The following CTBP2 variants were observed in gnomAD, a reference collection of about 807,000 sequenced individuals.
CTBP2 encodes C-terminal-binding protein 2.
Under a neutral mutation model 80.3 loss-of-function variants are expected in CTBP2, and 30 were observed. That is an observed-to-expected ratio of 0.37 (90% CI 0.28 to 0.51). CTBP2 has a LOEUF of 0.51. CTBP2 is among the 20% of genes least tolerant of loss of function. CTBP2 has a pLI of 0.93. For missense variants in CTBP2, 1,212 were observed against 1,375.3 expected, an observed-to-expected ratio of 0.88 and a Z score of 1.88; for synonymous variants, 594 against 587.4, an observed-to-expected ratio of 1.01 and a Z score of -0.16.
chr10:125,071,956 TCAAGA>T (rs1845554881), intron 2 of CTBP2, among the ~76,000 whole-genome samples: 1 of 151,922 alleles, frequency 6.6e-6, no homozygotes, highest in Admixed American at 6.6e-5. Context: ...AGACAAGAGG[TCAAGA>T]CAGGCACTTC....
chr10:125,100,375 A>C (rs1178837009), intron 2 of CTBP2, among the ~76,000 whole-genome samples: 1 of 152,200 alleles, frequency 6.6e-6, no homozygotes, highest in Non-Finnish European at 1.5e-5. Context: ...TGGTAAGGGA[A>C]GTTCTACCAT....
chr10:125,081,560 T>C (rs920839702), intron 2 of CTBP2, among the ~76,000 whole-genome samples: 40 of 152,034 alleles, frequency 2.6e-4, no homozygotes, highest in African/African-American at 9.4e-4. Flanking sequence ...CACAAGCAAA[T>C]GTGGTAAAAT....
intron 2 of CTBP2, among the ~76,000 whole-genome samples, chr10:125,075,804 T>G (rs1846190780): frequency 6.6e-6 from 1 of 152,222 alleles, no homozygotes; most frequent in Non-Finnish European, 1.5e-5. Context: ...GCCAAAGCTG[T>G]GGAACACAAC....
intron 1 of CTBP2, among the ~76,000 whole-genome samples, chr10:125,155,771 G>A (rs1161465653): frequency 6.6e-6 from 1 of 152,050 alleles, no homozygotes; most frequent in Non-Finnish European, 1.5e-5. Context: ...AAGATGAGGT[G>A]GGGAGGAGAA....
At chr10:125,016,652 G>A (rs986259259) in intron 1 of CTBP2, among the ~76,000 whole-genome samples, 22 of 152,360 alleles carry the variant, frequency 1.4e-4, no homozygotes, top group Middle Eastern at 3.4e-3. Flanking sequence ...AAAGTGATCC[G>A]CGAGGACTGC....
In CTBP2 at chr10:124,984,734, G is replaced by C; in HGVS notation, c.*4784C>G. The C allele has an allele frequency of 6.3e-7, 1 of 1,594,748 alleles. No individual in the cohort carries two copies. The highest frequency in any genetic ancestry group is 1.7e-5 in the Admixed American group (1 of 59,264). On this transcript the variant is annotated 3_prime_UTR_variant, in exon 9 of 9. Coordinates refer to ENST00000309035, the MANE Select transcript of CTBP2 (RefSeq NM_022802.3). Reference sequence around the variant, plus strand: ...CACATTCCTACCAAGTCTCTGATCTGTTGTATGATTTTCCCTTTGTCTTCA... The same window carrying C: ...CACATTCCTACCAAGTCTCTGATCTCTTGTATGATTTTCCCTTTGTCTTCA...
intron 2 of CTBP2, among the ~76,000 whole-genome samples, chr10:125,097,769 T>TAAAAA (rs1387792766): frequency 2.3e-4 from 35 of 152,152 alleles, no homozygotes; most frequent in Non-Finnish European, 3.8e-4. Context: ...ACAGGCCCTC[T>TAAAAA]GTAGTTCCTA....
At chr10:125,100,832 T>C (rs1850505720) in intron 2 of CTBP2, 2 of 152,350 alleles carry the variant, frequency 1.3e-5, no homozygotes, top group Admixed American at 1.3e-4. Context: ...TACAAAGGTA[T>C]TGCATTCAGG....
chr10:125,029,234 T>C (rs1291197559), upstream of CTBP2, among the ~76,000 whole-genome samples: 3 of 149,172 alleles, frequency 2.0e-5, no homozygotes, highest in Admixed American at 2.0e-4. Context: ...ATTTTTTTTT[T>C]TTGAGACACA....
chr10:124,984,980 T>C lies in CTBP2; in HGVS notation c.*4538A>G, dbSNP rs537740354. On this transcript the variant is annotated 3_prime_UTR_variant, in exon 9 of 9. Transcript: ENST00000309035. ...CTGATGGAGAGGAAGATGAGGATGA[T>C]GAAGATGAATGAAAAAAAAAATCAA... is the stretch of plus-strand genomic sequence containing the variant. The C allele has an allele frequency of 2.5e-6, 4 of 1,607,122 alleles. No individual in the cohort carries two copies. The highest frequency in any genetic ancestry group is 2.5e-6 in the Non-Finnish European group (3 of 1,176,656).
At chr10:125,143,613 G>GTAGTTTC (rs1300931363) in intron 1 of CTBP2, among the ~76,000 whole-genome samples, 1 of 152,122 alleles carries the variant, frequency 6.6e-6, no homozygotes, top group Non-Finnish European at 1.5e-5. Flanking sequence ...TCTCTAAAAG[G>GTAGTTTC]TAGTTTCCCC....
At chr10:125,030,484 A>G (rs1341121267), upstream of CTBP2, among the ~76,000 whole-genome samples, 1 of 152,262 alleles carries the variant, frequency 6.6e-6, no homozygotes, top group Non-Finnish European at 1.5e-5. Flanking sequence ...AGCTGGGAAG[A>G]GAGGCCAGGA....
rs542674199 is a variant in CTBP2, at chr10:125,002,589, C to T, written c.1978+371G>A. ...GCAGGGGCAGTTTAGGGGACACACACGGCAGGGGTCATTTAGGGGACGCAC... is the reference window on the plus strand; with the variant it reads ...GCAGGGGCAGTTTAGGGGACACACATGGCAGGGGTCATTTAGGGGACGCAC... On this transcript the variant is annotated intron_variant, in intron 3 of 8. Transcript: ENST00000309035. 2.0e-5 allele frequency among the ~76,000 whole-genome samples: 3 copies of T among 152,224 alleles called. 1 individual carries two copies. The highest frequency in any genetic ancestry group is 7.2e-5 in the African/African-American group (3 of 41,554).
chr10:125,138,387 G>A (rs1857283704), intron 1 of CTBP2: 2 of 152,152 alleles, frequency 1.3e-5, no homozygotes, highest in South Asian at 4.1e-4. Context: ...AAAGGCAACT[G>A]TTTGAAACTG....
At chr10:125,047,287 T>C (rs1961505756) in intron 2 of CTBP2, among the ~76,000 whole-genome samples, 1 of 152,238 alleles carries the variant, frequency 6.6e-6, no homozygotes, top group African/African-American at 2.4e-5. Flanking sequence ...TTCTCTTTCC[T>C]ACTCTGGCAT....
chr10:125,080,973 A>C (rs1177829450), intron 2 of CTBP2, among the ~76,000 whole-genome samples: 1 of 151,244 alleles, frequency 6.6e-6, no homozygotes, highest in Non-Finnish European at 1.5e-5. Context: ...AAAAAAGGAG[A>C]TTGAGATAAT....
intron 2 of CTBP2, among the ~76,000 whole-genome samples, chr10:125,059,762 C>T (rs147874814): frequency 8.9e-4 from 135 of 152,278 alleles, no homozygotes; most frequent in South Asian, 1.9e-3. Flanking sequence ...CCTCTCGCCC[C>T]GCCAATTTCC....
At chr10:125,024,041 G>A (rs1247552333) in intron 1 of CTBP2, among the ~76,000 whole-genome samples, 1 of 152,164 alleles carries the variant, frequency 6.6e-6, no homozygotes, top group Non-Finnish European at 1.5e-5. Context: ...TGGACCAGAG[G>A]CCGGCGGGAC....
intron 2 of CTBP2, among the ~76,000 whole-genome samples, chr10:125,046,975 G>C (rs1961417114): frequency 2.0e-5 from 3 of 152,192 alleles, no homozygotes; most frequent in Non-Finnish European, 4.4e-5. Flanking sequence ...GAAAGAATTT[G>C]TGATTTTCCT....
Sources: gnomAD v4.1 joint callset for allele counts (sites outside exome capture counted in the v4.1 genomes callset) on GRCh38, gnomAD v4.1.1 for gene constraint, MANE v1.5 for transcripts, NCBI Gene and HGNC (gene_info 2026-07-23, HGNC 2026-07-21) for gene names.